The following DLGAP2 variants were observed in gnomAD, a reference collection of about 807,000 sequenced individuals.
DLGAP2 encodes the protein disks large-associated protein 2.
A neutral mutation model predicts 100.3 loss-of-function variants in DLGAP2; 26 were observed. The observed-to-expected ratio is 0.26, with a 90% CI of 0.19 to 0.36. The LOEUF is 0.36. DLGAP2 is among the 10% of genes least tolerant of loss of function. The pLI, the probability that DLGAP2 is intolerant of heterozygous loss-of-function variation, is 1.00. For synonymous variants in DLGAP2, 886 were observed against 630.1 expected (o/e 1.41, Z -6.08); for missense variants, 1,858 against 1,453.2 (o/e 1.28, Z -4.53).
chr8:1,194,082 C>G (rs1337237922), intron 2 of DLGAP2, among the ~76,000 whole-genome samples: 1 of 151,990 alleles, frequency 6.6e-6, no homozygotes, highest in African/African-American at 2.4e-5. Context: ...ACTGGGATGC[C>G]GCAGTATACC....
At chr8:1,187,532 C>T (rs1797535304) in intron 2 of DLGAP2, among the ~76,000 whole-genome samples, 1 of 146,116 alleles carries the variant, frequency 6.8e-6, no homozygotes, top group Non-Finnish European at 1.5e-5. Context: ...CGGAATCTCA[C>T]ACACCCGGGA....
At chr8:1,299,723 C>G (rs1029661257) in intron 3 of DLGAP2, among the ~76,000 whole-genome samples, 1 of 152,154 alleles carries the variant, frequency 6.6e-6, no homozygotes, top group African/African-American at 2.4e-5. Context: ...CAGAATAAAA[C>G]CAAATGATAT....
chr8:1,205,426 C>A (rs748864748), intron 2 of DLGAP2, among the ~76,000 whole-genome samples: 12 of 152,150 alleles, frequency 7.9e-5, no homozygotes, highest in Non-Finnish European at 1.6e-4. Flanking sequence ...GCCGGCTCTT[C>A]CTGAAAAGGC....
intron 2 of DLGAP2, among the ~76,000 whole-genome samples, chr8:1,038,742 G>A (rs918145664): frequency 2.0e-5 from 3 of 152,200 alleles, no homozygotes; most frequent in East Asian, 1.9e-4. Context: ...ATGACAGTAG[G>A]TGAGGGTCAA....
intron 6 of DLGAP2, among the ~76,000 whole-genome samples, chr8:1,585,137 G>A (rs1247899157): frequency 6.6e-6 from 1 of 152,064 alleles, no homozygotes; most frequent in Non-Finnish European, 1.5e-5. Context: ...TAGTTAAGAG[G>A]GAGGCTCCTA....
At chr8:831,228 T>A (rs1465006632) in intron 1 of DLGAP2, among the ~76,000 whole-genome samples, 7 of 128,174 alleles carry the variant, frequency 5.5e-5, no homozygotes, top group South Asian at 2.7e-4. Context: ...TTTTTTTTTT[T>A]AATACTTTAA....
intron 2 of DLGAP2, among the ~76,000 whole-genome samples, chr8:1,066,903 C>T (rs2600487): frequency 0.32 from 48,037 of 152,084 alleles, 8,364 homozygotes; most frequent in East Asian, 0.44. Flanking sequence ...TCAGAGCCCA[C>T]GATACCCATT....
In DLGAP2 at chr8:1,691,643, T is replaced by A; in HGVS notation, c.2796+17T>A. 6.3e-7 allele frequency: 1 copy of A among 1,594,784 alleles called. No homozygotes were observed. Among genetic ancestry groups the A allele is most frequent in the Middle Eastern group, 1.7e-4 (1 of 6,036 alleles). ...CAGAATATGGTAAGTGAATCCTCAG[T>A]GAACCCCTGTTCCCTGTAACCAAGC... On this transcript the variant is annotated intron_variant, in intron 13 of 14. Coordinates refer to ENST00000637795, the MANE Select transcript of DLGAP2 (RefSeq NM_001346810.2).
intron 1 of DLGAP2, chr8:738,990 C>CGCG (rs889373998): frequency 2.1e-5 from 3 of 142,538 alleles, no homozygotes; most frequent in Non-Finnish European, 4.6e-5. Context: ...CCAGCCCCTG[C>CGCG]GCGACGCCGC....
chr8:1,193,816 A>C, intron 2 of DLGAP2, among the ~76,000 whole-genome samples: 1 of 149,980 alleles, frequency 6.7e-6, no homozygotes. Flanking sequence ...AGCACCTGAG[A>C]CCCCCAGACA....
intron 8 of DLGAP2, among the ~76,000 whole-genome samples, chr8:1,666,971 C>G (rs545986095): frequency 1.1e-4 from 17 of 152,326 alleles, no homozygotes; most frequent in African/African-American, 1.7e-4. Context: ...GCTGCTCGGT[C>G]TGTCCTCACA....
At chr8:869,478 G>C (rs1444107299) in intron 1 of DLGAP2, among the ~76,000 whole-genome samples, 1 of 152,152 alleles carries the variant, frequency 6.6e-6, no homozygotes, top group Non-Finnish European at 1.5e-5. Flanking sequence ...CAAATATACA[G>C]TAATTAAAAT....
At chr8:872,119 A>G (rs756063624) in intron 1 of DLGAP2, among the ~76,000 whole-genome samples, 1 of 152,186 alleles carries the variant, frequency 6.6e-6, no homozygotes, top group Middle Eastern at 3.4e-3. Flanking sequence ...TCTTTATGCT[A>G]TGTGTGTATT....
chr8:1,124,549 G>T (rs1796123210), intron 2 of DLGAP2, among the ~76,000 whole-genome samples: 1 of 152,158 alleles, frequency 6.6e-6, no homozygotes, highest in Non-Finnish European at 1.5e-5. Flanking sequence ...TACCATTCAT[G>T]ATATGTAATT....
chr8:1,645,096 T>G (rs1451206651), intron 8 of DLGAP2, among the ~76,000 whole-genome samples: 1 of 152,110 alleles, frequency 6.6e-6, no homozygotes, highest in African/African-American at 2.4e-5. Context: ...ATGTCTCTAA[T>G]GAATGAATCA....
At position 971,359 on chromosome 8, in the gene DLGAP2, C is replaced by T. The variant is rs76815271; in HGVS notation, c.73+63393C>T. 1.9e-4 allele frequency among the ~76,000 whole-genome samples: 29 copies of T among 152,284 alleles called. No individual in the cohort carries two copies. The East Asian group carries it at 5.0e-3, about 26-fold the overall frequency. ...CTCCTCACAAGAGAAGTGCTGAACT[C>T]GCTGAAAATTGACAACTTTTCTTAG... On this transcript the variant is annotated intron_variant, in intron 2 of 14. Transcript: ENST00000637795.
chr8:1,491,689 C>G (rs772499637), intron 3 of DLGAP2, among the ~76,000 whole-genome samples: 1 of 152,164 alleles, frequency 6.6e-6, no homozygotes, highest in Non-Finnish European at 1.5e-5. Context: ...ACTTTTCATG[C>G]GAACAATGTT....
chr8:1,022,185 C>G (rs190622012), intron 2 of DLGAP2, among the ~76,000 whole-genome samples: 43 of 151,522 alleles, frequency 2.8e-4, no homozygotes, highest in Non-Finnish European at 5.6e-4. Context: ...CTGAGGTAGA[C>G]ACTCCAAACA....
At chr8:1,192,725 G>A (rs1286097743) in intron 2 of DLGAP2, among the ~76,000 whole-genome samples, 3 of 151,308 alleles carry the variant, frequency 2.0e-5, no homozygotes, top group Non-Finnish European at 4.4e-5. Context: ...ACAATGTGCA[G>A]GTTAGTTACA....
Sources: allele counts gnomAD v4.1 joint callset (sites outside exome capture counted in the v4.1 genomes callset), GRCh38; gene constraint gnomAD v4.1.1; transcripts MANE v1.5; gene names NCBI Gene and HGNC (gene_info 2026-07-23, HGNC 2026-07-21).